Variants in AKAP1 observed in about 807,000 individuals in gnomAD.
The protein encoded by AKAP1 is A-kinase anchor protein 1, mitochondrial.
AKAP1 carries 32 observed loss-of-function variants against 79.8 expected under a neutral mutation model. The observed-to-expected ratio is 0.40, with a 90% confidence interval of 0.30 to 0.54. AKAP1 has a LOEUF of 0.54. Among genes scored for constraint, AKAP1 ranks in the 20% least tolerant of loss-of-function variants. The probability of loss-of-function intolerance (pLI) is 0.47; values close to 1 mark genes in which losing one functional copy is unlikely to be tolerated. For synonymous variants in AKAP1, 416 were observed against 466.7 expected (o/e 0.89, Z 1.40); for missense variants, 961 against 1,138.9 (o/e 0.84, Z 2.25).
At chr17:57,089,638 A>G (rs1286668212) in intron 1 of AKAP1, among the ~76,000 whole-genome samples, 1 of 152,160 alleles carries the variant, frequency 6.6e-6, no homozygotes, top group Non-Finnish European at 1.5e-5. Context: ...CTAAAAGCTT[A>G]ATTGTCTCAA....
At position 57,086,508 on chromosome 17, in the gene AKAP1, T is replaced by C. The variant is rs1385632766; in HGVS notation, c.-25+1110T>C. On this transcript the variant is annotated intron_variant, in intron 1 of 10. Transcript: ENST00000337714. This position sits in a 1 kb window ranked among gnomAD's most constrained non-coding sequence, Gnocchi z 5.1. ...GGGTGGCGGCGCCTTCCTGCCGCCG[T>C]TAACACAAACCCGGTGGACTTCGCT... 1 of 451,454 alleles carries C rather than the reference T, an allele frequency of 2.2e-6. No individual in the cohort carries two copies. The highest frequency in any genetic ancestry group is 4.4e-6 in the Non-Finnish European group (1 of 224,920). 28.0% of individuals were successfully genotyped at this position (451,454 alleles called of 1,614,324 possible). A position where few individuals can be genotyped will look rare whatever the true frequency, so the allele number is the denominator to read the frequency against.
In AKAP1 at chr17:57,105,298, G is replaced by A. The variant is rs1471847784; in HGVS notation, c.-24-143G>A. 4 of 778,456 alleles carry A rather than the reference G, an allele frequency of 5.1e-6. No individual in the cohort carries two copies. The Admixed American group carries it at 6.0e-5, about 12-fold the overall frequency. 48.2% of individuals were successfully genotyped at this position (778,456 alleles called of 1,614,324 possible). ...CAGAGGGTGGACTGGTACGAGCTGA[G>A]AGGTGTGCTCCTCTTGGAGGGCAGG... On this transcript the variant is annotated intron_variant, in intron 1 of 10. Coordinates refer to ENST00000337714, the MANE Select transcript of AKAP1 (RefSeq NM_003488.4).
rs116991540 is a variant in AKAP1, at chr17:57,090,840, G to C, written c.-25+5442G>C. Among the ~76,000 whole-genome samples the C allele has an allele frequency of 1.6e-4, 24 of 152,318 alleles. No homozygotes were observed. The East Asian group carries it at 4.6e-3, about 29-fold the overall frequency. ...CCTGAGGGCTCAGGGAAACTGCTCT[G>C]AAGACTGAGCTGATTGAAAAAGACA... On this transcript the variant is annotated intron_variant, in intron 1 of 10. Transcript: ENST00000337714.
In AKAP1 at chr17:57,106,844, C is replaced by T. The variant is rs757702259; in HGVS notation, c.1380C>T (p.Ser460=). 1.2e-6 allele frequency: 2 copies of T among 1,614,204 alleles called. No individual in the cohort carries two copies. Among genetic ancestry groups the T allele is most frequent in the South Asian group, 1.1e-5 (1 of 91,090 alleles). Residue 460 remains serine (S), a synonymous_variant, in exon 2 of 11, where the codon TCC becomes TCT. Transcript: ENST00000337714. ...SKPNISAHHI[S]LASCLALTTP... ...CAAATATCTCTGCACACCACATCTC[C>T]CTGGCCTCCTGCCTGGCACTGACCA...
At chr17:57,098,694 A>C (rs1373043629) in intron 1 of AKAP1, 3 of 98,072 alleles carry the variant, frequency 3.1e-5, no homozygotes, top group Non-Finnish European at 6.3e-5. Context: ...GCATCTTACC[A>C]ATTCCAAGAA....
At chr17:57,092,500 G>C (rs536620718) in intron 1 of AKAP1, 7 of 152,334 alleles carry the variant, frequency 4.6e-5, no homozygotes, top group South Asian at 4.2e-4. Flanking sequence ...TGAGAGTAAG[G>C]GGGGCTTATT....
chr17:57,117,622 G>A (rs1276406534), intron 8 of AKAP1, among the ~76,000 whole-genome samples: 2 of 152,196 alleles, frequency 1.3e-5, no homozygotes, highest in African/African-American at 4.8e-5. Flanking sequence ...CAGTCTAGCT[G>A]GAGTCGGCTT....
chr17:57,112,759 C>T (rs370223302), intron 5 of AKAP1, 141 bp downstream of exon 5: 29 of 1,262,522 alleles, frequency 2.3e-5, no homozygotes, highest in East Asian at 1.7e-4. Flanking sequence ...CTCTGCTGGT[C>T]GGTTCTGCTA....
intron 6 of AKAP1, among the ~76,000 whole-genome samples, chr17:57,115,860 A>G (rs114964750): frequency 0.013 from 1,998 of 152,144 alleles, 48 homozygotes; most frequent in African/African-American, 0.046. Flanking sequence ...TCTAGACTGA[A>G]TGCTTCTCAG....
chr17:57,114,586 A>T lies in AKAP1; in HGVS notation c.2231A>T (p.Tyr744Phe), dbSNP rs201975104. ...CTGCGCAGCCTCGACCAGCAGATGT[A>T]CCTCTGTTACTCTCAGCCTGGAATC... ...HALRSLDQQM[Y>F]LCYSQPGIPT... is the part of the protein sequence containing the mutation. Residue 744 changes from tyrosine (Y) to phenylalanine (F), a missense_variant, in exon 6 of 11, where the codon TAC becomes TTC. Physicochemically the swap from Tyr to Phe is conservative, Grantham distance 22 (BLOSUM62 3). Coordinates refer to ENST00000337714, the MANE Select transcript of AKAP1 (RefSeq NM_003488.4). The T allele has an allele frequency of 1.1e-5, 18 of 1,614,064 alleles. No individual in the cohort carries two copies. The East Asian group carries it at 4.0e-4, about 36-fold the overall frequency.
At chr17:57,095,066 C>T (rs986348155) in intron 1 of AKAP1, 1 of 152,232 alleles carries the variant, frequency 6.6e-6, no homozygotes, top group East Asian at 1.9e-4. Flanking sequence ...TTTTCTGTTC[C>T]TCCTTCACCC....
rs902942096 is a variant in AKAP1 at position 57,107,186 on chromosome 17, G to A, written c.1714+8G>A. On this transcript the variant is annotated splice_region_variant and intron_variant, in intron 2 of 10. Coordinates refer to ENST00000337714, the MANE Select transcript of AKAP1 (RefSeq NM_003488.4). ...AAGCAGATCATTCAGGAGGTAGGAG[G>A]GTCTCGGGTTCGTTTAGAGGATGGG... 6.3e-7 allele frequency: 1 copy of A among 1,585,464 alleles called. No homozygotes were observed. Among genetic ancestry groups the A allele is most frequent in the African/African-American group, 1.3e-5 (1 of 74,336 alleles).
chr17:57,087,069 A>G (rs745643425), intron 1 of AKAP1, among the ~76,000 whole-genome samples: 1 of 152,228 alleles, frequency 6.6e-6, no homozygotes, highest in Non-Finnish European at 1.5e-5. Context: ...TAGGTTCTGC[A>G]TAATTCTTGG....
intron 1 of AKAP1, chr17:57,092,470 C>A (rs1913842537): frequency 6.6e-6 from 1 of 152,256 alleles, no homozygotes; most frequent in Non-Finnish European, 1.5e-5. Context: ...CTTATTGGAA[C>A]AGGTTCCTTT....
At chr17:57,116,772 G>C in intron 7 of AKAP1, 88 bp from the exon 8 acceptor site, 1 of 1,264,938 alleles carries the variant, frequency 7.9e-7, no homozygotes, top group East Asian at 2.3e-5. Context: ...CCCAGGTTAT[G>C]GGCGTCACTG....
intron 1 of AKAP1, among the ~76,000 whole-genome samples, chr17:57,088,189 TC>T (rs1479559703): frequency 1.3e-5 from 2 of 152,218 alleles, no homozygotes; most frequent in Non-Finnish European, 2.9e-5. Context: ...CCATGTTCCT[TC>T]CTGGTGTAAT....
At chr17:57,105,301 G>C in intron 1 of AKAP1, 140 bp from the exon 2 acceptor site, 1 of 792,194 alleles carries the variant, frequency 1.3e-6, no homozygotes, top group Non-Finnish European at 2.1e-6. Flanking sequence ...GAGCTGAGAG[G>C]TGTGCTCCTC....
chr17:57,118,184 G>A lies in AKAP1; in HGVS notation c.2501-197G>A, dbSNP rs138908404. ...GCACCAGTGGGCAACATGCAGTAGC[G>A]GCCCTTAGTTTATCCACTGGGAGTC... On this transcript the variant is annotated intron_variant, in intron 8 of 10. Transcript: ENST00000337714. Among the ~76,000 whole-genome samples the A allele has an allele frequency of 1.4e-3, 206 of 152,156 alleles. 1 individual carries two copies. Among genetic ancestry groups the A allele is most frequent in the African/African-American group, 4.4e-3 (183 of 41,494 alleles).
intron 1 of AKAP1, among the ~76,000 whole-genome samples, chr17:57,104,802 G>A (rs1037563413): frequency 1.1e-4 from 17 of 152,340 alleles, no homozygotes; most frequent in Middle Eastern, 3.4e-3. Context: ...GTTGAGCCTT[G>A]GAAGATCAGG....
Sources: gnomAD v4.1 joint callset for allele counts (sites outside exome capture counted in the v4.1 genomes callset) on GRCh38, gnomAD v4.1.1 for gene constraint, Gnocchi (gnomAD v3.1) non-coding constraint, MANE v1.5 for transcripts, NCBI Gene and HGNC (gene_info 2026-07-23, HGNC 2026-07-21) for gene names.